UBXN2B: variants seen among roughly 807,000 people sequenced by gnomAD.
UBXN2B encodes the protein UBX domain-containing protein 2B.
In UBXN2B, 19 loss-of-function variants were observed where a neutral mutation model predicts 37.5. The ratio of observed to expected loss-of-function variants is 0.51; its 90% confidence interval spans 0.35 to 0.74. The LOEUF is 0.74. UBXN2B is among the 30% of genes least tolerant of loss of function. The pLI is 0.01. For missense variants in UBXN2B, 370 were observed against 393.2 expected (o/e 0.94, Z 0.50); for synonymous variants, 145 against 143.8 (o/e 1.01, Z -0.06).
chr8:58,427,462 C>T (rs1808133464), intron 2 of UBXN2B, among the ~76,000 whole-genome samples: 1 of 152,084 alleles, frequency 6.6e-6, no homozygotes, highest in Non-Finnish European at 1.5e-5. Flanking sequence ...TATGTTGTCT[C>T]AAAAAATATA....
chr8:58,426,826 T>A, intron 2 of UBXN2B: 1 of 575,024 alleles, frequency 1.7e-6, no homozygotes, highest in Non-Finnish European at 3.3e-6. Context: ...CAGACCCCCC[T>A]CCAGGCCTGG....
chr8:58,437,950 G>GC (rs35647877), intron 5 of UBXN2B, among the ~76,000 whole-genome samples: 36,303 of 142,766 alleles, frequency 0.25, 4,798 homozygotes, highest in Admixed American at 0.41. Context: ...CTTTAAGGCA[G>GC]CCCCCCCCCC....
At chr8:58,439,544 G>A in intron 5 of UBXN2B, 89 bp from the exon 6 acceptor site, 3 of 1,457,354 alleles carry the variant, frequency 2.1e-6, no homozygotes, top group Non-Finnish European at 1.8e-6. Flanking sequence ...GTTTTCCAGT[G>A]TAGCTCATGA....
rs1808770451 is a variant in UBXN2B at position 58,450,091 on chromosome 8, A to G, written c.*2540A>G. 3.9e-5 allele frequency: 6 copies of G among 152,358 alleles called. No individual in the cohort carries two copies. In the South Asian group the frequency reaches 1.2e-3, roughly 32 times the overall value. 9.4% of individuals were successfully genotyped at this position (152,358 alleles called of 1,614,324 possible). A position where few individuals can be genotyped will look rare whatever the true frequency, so the allele number is the denominator to read the frequency against. On this transcript the variant is annotated 3_prime_UTR_variant, in exon 8 of 8. Transcript: ENST00000399598. ...TCAGACCTTTTGATGTTTCTGAAGT[A>G]TTAGCAAAAGGTTATACAGCCATAT...
chr8:58,415,669 C>A (rs1481109400), intron 1 of UBXN2B, among the ~76,000 whole-genome samples: 1 of 151,948 alleles, frequency 6.6e-6, no homozygotes, highest in East Asian at 1.9e-4. Context: ...TTTTTATAGG[C>A]ATTTGAAGAT....
intron 1 of UBXN2B, among the ~76,000 whole-genome samples, chr8:58,411,970 A>G (rs750179712): frequency 3.3e-5 from 5 of 152,224 alleles, no homozygotes; most frequent in African/African-American, 1.2e-4. Context: ...GATGCACTCT[A>G]TGCCCATACA....
At chr8:58,427,572 C>T (rs926107407) in intron 2 of UBXN2B, among the ~76,000 whole-genome samples, 2 of 152,170 alleles carry the variant, frequency 1.3e-5, no homozygotes, top group Admixed American at 6.5e-5. Flanking sequence ...AATGTAATGA[C>T]ATGGGATATA....
chr8:58,424,635 C>CTAG (rs1808026315), intron 2 of UBXN2B: 2 of 1,227,192 alleles, frequency 1.6e-6, no homozygotes, highest in Admixed American at 3.4e-5. Flanking sequence ...TTTTCATACA[C>CTAG]TCTAGCACTG....
At chr8:58,426,876 G>A (rs1022700768) in intron 2 of UBXN2B, among the ~76,000 whole-genome samples, 1 of 152,160 alleles carries the variant, frequency 6.6e-6, no homozygotes, top group Non-Finnish European at 1.5e-5. Flanking sequence ...AGGCTGGCTT[G>A]CTCCTCCTCC....
At chr8:58,429,223 G>T (rs1273823874) in intron 2 of UBXN2B, among the ~76,000 whole-genome samples, 11 of 152,144 alleles carry the variant, frequency 7.2e-5, no homozygotes. Context: ...TCGTTTCCAG[G>T]GCACTCCAGA....
intron 1 of UBXN2B, among the ~76,000 whole-genome samples, chr8:58,415,461 T>G (rs1318486177): frequency 6.6e-6 from 1 of 152,054 alleles, no homozygotes; most frequent in Non-Finnish European, 1.5e-5. Flanking sequence ...GTTTGTTTTT[T>G]GTTTTGTGTT....
intron 5 of UBXN2B, among the ~76,000 whole-genome samples, chr8:58,437,197 A>G (rs1279036245): frequency 6.6e-6 from 1 of 151,776 alleles, no homozygotes; most frequent in Non-Finnish European, 1.5e-5. Flanking sequence ...TGGGAACTGG[A>G]GTAAAGGTCA....
intron 6 of UBXN2B, among the ~76,000 whole-genome samples, chr8:58,441,375 G>GTATA (rs1269464190): frequency 3.6e-5 from 3 of 84,020 alleles, no homozygotes; most frequent in Non-Finnish European, 7.3e-5. Context: ...ATATGTATGT[G>GTATA]TATATATATG....
rs188122027 is a variant in UBXN2B at position 58,447,598 on chromosome 8, G to A, written c.*47G>A. The A allele has an allele frequency of 4.2e-4, 630 of 1,491,206 alleles. No individual in the cohort carries two copies. The highest frequency in any genetic ancestry group is 2.0e-3 in the Middle Eastern group (11 of 5,628). The allele number at this position is 1,491,206 out of a possible 1,614,324, so 92.4% of individuals were successfully genotyped here. A position where few individuals can be genotyped will look rare whatever the true frequency, so the allele number is the denominator to read the frequency against. On this transcript the variant is annotated 3_prime_UTR_variant, in exon 8 of 8. Coordinates refer to ENST00000399598, the MANE Select transcript of UBXN2B (RefSeq NM_001077619.2). ...AGCATGTGGGAATAGATGATGTGCC[G>A]TATTAATAAGGACAATACTTCAGCA...
intron 2 of UBXN2B, chr8:58,425,713 C>A: frequency 2.6e-6 from 3 of 1,170,428 alleles, no homozygotes; most frequent in Non-Finnish European, 3.8e-6. Flanking sequence ...TTATACGAGT[C>A]GTGTTAAGGG....
chr8:58,412,676 A>T (rs932131294), intron 1 of UBXN2B, among the ~76,000 whole-genome samples: 1 of 152,210 alleles, frequency 6.6e-6, no homozygotes, highest in African/African-American at 2.4e-5. Flanking sequence ...TGGAGTTAGT[A>T]GTCCCACCAA....
chr8:58,425,766 G>T, intron 2 of UBXN2B: 1 of 1,148,092 alleles, frequency 8.7e-7, no homozygotes, highest in South Asian at 1.2e-5. Flanking sequence ...TCCATCATAG[G>T]ATTCTTCTTG....
chr8:58,430,237 G>A (rs1437180397), intron 2 of UBXN2B, among the ~76,000 whole-genome samples: 5 of 152,180 alleles, frequency 3.3e-5, no homozygotes, highest in Non-Finnish European at 7.4e-5. Flanking sequence ...TATGTGATAA[G>A]CAGTTACAGA....
chr8:58,419,994 A>T (rs1392637960), intron 2 of UBXN2B, among the ~76,000 whole-genome samples: 1 of 152,210 alleles, frequency 6.6e-6, no homozygotes, highest in Non-Finnish European at 1.5e-5. Context: ...CTCACAAATT[A>T]TGTAGCCAGT....
Sources: allele counts gnomAD v4.1 joint callset (sites outside exome capture counted in the v4.1 genomes callset), GRCh38; gene constraint gnomAD v4.1.1; transcripts MANE v1.5; gene names NCBI Gene and HGNC (gene_info 2026-07-23, HGNC 2026-07-21).